The following EPGN variants were observed in gnomAD, a reference collection of about 807,000 sequenced individuals.
EPGN encodes epithelial mitogen.
A neutral mutation model predicts 20.7 loss-of-function variants in EPGN; 21 were observed. That is an observed-to-expected ratio of 1.01 (90% CI 0.72 to 1.46). The LOEUF is 1.46. EPGN is among the 40% of genes most tolerant of loss of function. EPGN has a pLI of 0.00. For missense variants in EPGN, 199 were observed against 180.7 expected, an observed-to-expected ratio of 1.10 and a Z score of -0.58; for synonymous variants, 69 against 63.8, an observed-to-expected ratio of 1.08 and a Z score of -0.39.
chr4:74,313,211 C>T (rs372602605), intron 4 of EPGN, 41 bp downstream of exon 4: 15 of 1,582,222 alleles, frequency 9.5e-6, no homozygotes, highest in African/African-American at 8.2e-5. Context: ...CATATGCAAT[C>T]GTTTGACAAA....
chr4:74,313,348 A>G lies in EPGN; in HGVS notation c.407+178A>G, dbSNP rs1751090812. ...ATGCCTTTTCTCATAAACCCAGACG[A>G]GTGGTAAAAATTTGCCTTCAGTTGT... On this transcript the variant is annotated intron_variant, in intron 4 of 4. Coordinates refer to ENST00000413830, the MANE Select transcript of EPGN (RefSeq NM_001270989.2). The G allele has an allele frequency of 2.9e-6, 4 of 1,397,608 alleles. No homozygotes were observed. The Admixed American group carries it at 1.0e-4, about 36-fold the overall frequency. The allele number at this position is 1,397,608 out of a possible 1,614,324, so 86.6% of individuals were successfully genotyped here. A position where few individuals can be genotyped will look rare whatever the true frequency, so the allele number is the denominator to read the frequency against.
chr4:74,312,438 C>G (rs1344394611), intron 3 of EPGN, 133 bp downstream of exon 3: 1 of 955,900 alleles, frequency 1.0e-6, no homozygotes, highest in Non-Finnish European at 1.5e-6. Context: ...ACTTGACAGG[C>G]CTCTACATAT....
rs1751202236 is a variant in EPGN, at chr4:74,314,948, T to A, written c.*311T>A. 1 of 337,348 alleles carries A rather than the reference T, an allele frequency of 3.0e-6. No individual in the cohort carries two copies. Among genetic ancestry groups the A allele is most frequent in the East Asian group, 6.4e-5 (1 of 15,544 alleles). The allele number at this position is 337,348 out of a possible 1,614,324, so 20.9% of individuals were successfully genotyped here. A position where few individuals can be genotyped will look rare whatever the true frequency, so the allele number is the denominator to read the frequency against. ...ACTGAGTTTCATGCTCCTGGCTATG[T>A]CAGATGTGAATTTTCATGGGAATAA... On this transcript the variant is annotated 3_prime_UTR_variant, in exon 5 of 5. Transcript: ENST00000413830.
rs190217562 is a variant in EPGN, at chr4:74,314,692, T to C, written c.*55T>C. The C allele has an allele frequency of 4.5e-3, 6,680 of 1,484,550 alleles. 38 individuals are homozygous for C. Among genetic ancestry groups the C allele is most frequent in the Non-Finnish European group, 4.3e-3 (4,787 of 1,108,086 alleles). The allele number at this position is 1,484,550 out of a possible 1,614,324, so 92.0% of individuals were successfully genotyped here. Reference sequence around the variant, plus strand: ...TCTGTAGAGATCAGTGAGCCCAAAATTAAAGTTTTCAGATGAAACAACAAA... The same window carrying C: ...TCTGTAGAGATCAGTGAGCCCAAAACTAAAGTTTTCAGATGAAACAACAAA... On this transcript the variant is annotated 3_prime_UTR_variant, in exon 5 of 5. Transcript: ENST00000413830.
At chr4:74,312,866 T>G in intron 3 of EPGN, 152 bp from the exon 4 acceptor site, 1 of 640,878 alleles carries the variant, frequency 1.6e-6, no homozygotes, top group Non-Finnish European at 2.5e-6. Context: ...CATAGCTGCT[T>G]CATTGCCCGT....
intron 4 of EPGN, chr4:74,314,287 T>G: frequency 1.9e-6 from 1 of 518,206 alleles, no homozygotes; most frequent in Non-Finnish European, 3.6e-6. Context: ...GGCATCTGGA[T>G]TTCAATATCC....
At position 74,314,757 on chromosome 4, in the gene EPGN, G is replaced by A. The variant is rs980081325; in HGVS notation, c.*120G>A. The A allele has an allele frequency of 3.3e-6, 3 of 921,284 alleles. No individual in the cohort carries two copies. The highest frequency in any genetic ancestry group is 1.6e-6 in the Non-Finnish European group (1 of 614,662). The allele number at this position is 921,284 out of a possible 1,614,324, so 57.1% of individuals were successfully genotyped here. On this transcript the variant is annotated 3_prime_UTR_variant, in exon 5 of 5. Coordinates refer to ENST00000413830, the MANE Select transcript of EPGN (RefSeq NM_001270989.2). Reference sequence around the variant, plus strand: ...CTAGACTCGAAAATAATGAAAGTTGGGATCACAATGAAATGAGAAGATAAA... The same window carrying A: ...CTAGACTCGAAAATAATGAAAGTTGAGATCACAATGAAATGAGAAGATAAA...
At chr4:74,312,107 T>G (rs1195960974) in intron 2 of EPGN, 78 bp from the exon 3 acceptor site, 1 of 1,465,336 alleles carries the variant, frequency 6.8e-7, no homozygotes, top group Non-Finnish European at 9.1e-7. Flanking sequence ...AATTAAAAAT[T>G]TATTTACATA....
chr4:74,313,854 G>A (rs1162553630), intron 4 of EPGN, among the ~76,000 whole-genome samples: 1 of 152,070 alleles, frequency 6.6e-6, no homozygotes. Flanking sequence ...CTAATAAGTT[G>A]TCATTTCTAA....
intron 1 of EPGN, 126 bp downstream of exon 1, chr4:74,308,702 G>T: frequency 4.0e-6 from 3 of 742,432 alleles, no homozygotes; most frequent in Non-Finnish European, 6.5e-6. Flanking sequence ...TCAGAGTAAT[G>T]AATCTGTGGA....
At chr4:74,308,628 T>C in intron 1 of EPGN, 52 bp downstream of exon 1, 1 of 1,482,722 alleles carries the variant, frequency 6.7e-7, no homozygotes, top group Non-Finnish European at 9.3e-7. Context: ...AAAATGTGAA[T>C]AGAATTTATT....
At chr4:74,313,915 A>G (rs1253778348) in intron 4 of EPGN, among the ~76,000 whole-genome samples, 1 of 152,188 alleles carries the variant, frequency 6.6e-6, no homozygotes, top group African/African-American at 2.4e-5. Context: ...TGCTTAACAA[A>G]TGCATCTTAG....
intron 2 of EPGN, among the ~76,000 whole-genome samples, chr4:74,311,608 A>G (rs1479665727): frequency 1.3e-5 from 2 of 152,178 alleles, no homozygotes; most frequent in Admixed American, 1.3e-4. Flanking sequence ...AGAATCAATA[A>G]AGTATGCCCC....
chr4:74,309,823 G>C (rs532332090), intron 2 of EPGN, among the ~76,000 whole-genome samples: 1 of 152,236 alleles, frequency 6.6e-6, no homozygotes, highest in Non-Finnish European at 1.5e-5. Context: ...TGGAAAGCTT[G>C]TTGCTTACCA....
chr4:74,309,280 T>C (rs1179834585), intron 2 of EPGN, 98 bp downstream of exon 2: 1 of 789,960 alleles, frequency 1.3e-6, no homozygotes, highest in South Asian at 2.3e-5. Context: ...TTTTAATATA[T>C]ATTTTATTAT....
chr4:74,314,000 G>A, intron 4 of EPGN: 1 of 386,988 alleles, frequency 2.6e-6, no homozygotes, highest in Non-Finnish European at 5.1e-6. Context: ...TAAGGGGGAG[G>A]AGGAGGAGGT....
intron 2 of EPGN, among the ~76,000 whole-genome samples, chr4:74,310,643 C>T (rs1185363897): frequency 6.6e-6 from 1 of 151,828 alleles, no homozygotes; most frequent in African/African-American, 2.4e-5. Flanking sequence ...AAAAAGGAAT[C>T]CAATACAGTC....
chr4:74,316,154 T>C lies in EPGN; in HGVS notation c.*1517T>C, dbSNP rs1022269060. On this transcript the variant is annotated 3_prime_UTR_variant, in exon 5 of 5. Coordinates refer to ENST00000413830, the MANE Select transcript of EPGN (RefSeq NM_001270989.2). ...CGGTGAGATCCTCAACATCAGCATG[T>C]TGAGATGGACCTCAACCCCACCTCT... 5.9e-5 allele frequency among the ~76,000 whole-genome samples: 9 copies of C among 152,136 alleles called. No individual in the cohort carries two copies. Among genetic ancestry groups the C allele is most frequent in the African/African-American group, 1.9e-4 (8 of 41,442 alleles).
At position 74,315,444 on chromosome 4, in the gene EPGN, A is replaced by G. The variant is rs1378044839; in HGVS notation, c.*807A>G. On this transcript the variant is annotated 3_prime_UTR_variant, in exon 5 of 5. Coordinates refer to ENST00000413830, the MANE Select transcript of EPGN (RefSeq NM_001270989.2). The stretch of plus-strand genomic sequence containing the variant: ...ACTTCTTCCAGTTATCAGTGGAATT[A>G]CCTGGTGACCATTCATTTGGACCGA... 3.3e-5 allele frequency: 5 copies of G among 152,208 alleles called. No individual in the cohort carries two copies. The highest frequency in any genetic ancestry group is 7.3e-5 in the Non-Finnish European group (5 of 68,038). The allele number at this position is 152,208 out of a possible 1,614,324, so 9.4% of individuals were successfully genotyped here.
Sources: gnomAD v4.1 joint callset for allele counts (sites outside exome capture counted in the v4.1 genomes callset) on GRCh38, gnomAD v4.1.1 for gene constraint, MANE v1.5 for transcripts, NCBI Gene and HGNC (gene_info 2026-07-23, HGNC 2026-07-21) for gene names.